PDZD8: variants seen among roughly 807,000 people sequenced by gnomAD.
PDZD8 encodes PDZ domain containing 8.
Under a neutral mutation model 85.8 loss-of-function variants are expected in PDZD8, and 14 were observed. That is an observed-to-expected ratio of 0.16 (90% confidence interval 0.11 to 0.26). The LOEUF is 0.26. Among genes scored for constraint, PDZD8 ranks in the 10% least tolerant of loss-of-function variants. PDZD8 has a pLI of 1.00. For synonymous variants in PDZD8, 592 were observed against 568.6 expected (o/e 1.04, Z -0.59); for missense variants, 1,197 against 1,424.3 (o/e 0.84, Z 2.57).
At chr10:117,343,644 C>T (rs2532792) in intron 1 of PDZD8, among the ~76,000 whole-genome samples, 116,986 of 152,136 alleles carry the variant, frequency 0.77, 45,637 homozygotes, top group Non-Finnish European at 0.85. Context: ...AATATAAAGT[C>T]AAAATTCAAT....
intron 1 of PDZD8, among the ~76,000 whole-genome samples, chr10:117,347,702 G>C (rs1844733079): frequency 6.6e-6 from 1 of 152,134 alleles, no homozygotes; most frequent in African/African-American, 2.4e-5. Context: ...AAAAATTACA[G>C]AGGAACTCAT....
intron 1 of PDZD8, among the ~76,000 whole-genome samples, chr10:117,364,707 A>G (rs2133885064): frequency 6.6e-6 from 1 of 152,316 alleles, no homozygotes; most frequent in Non-Finnish European, 1.5e-5. Context: ...GCAAAGAGGC[A>G]TGAACAGATT....
At chr10:117,336,925 G>C (rs1312199563) in intron 2 of PDZD8, among the ~76,000 whole-genome samples, 1 of 151,712 alleles carries the variant, frequency 6.6e-6, no homozygotes, top group Non-Finnish European at 1.5e-5. Flanking sequence ...TTGAAATCCA[G>C]TGAGACCAAA....
rs1202100897 is a variant in PDZD8 at position 117,329,967 on chromosome 10, GGGAA to G, written c.996-10997_996-10994del. On this transcript the variant is annotated intron_variant, in intron 2 of 4. Coordinates refer to ENST00000334464, the MANE Select transcript of PDZD8 (RefSeq NM_173791.5). ...TCTCAAGAAAGGAAGGAGGGAGGAA[GGGAA>G]GGAAGGAAGGAAGGAAGGAAGGAAG... 4.3e-3 allele frequency among the ~76,000 whole-genome samples: 246 copies of G among 57,120 alleles called. 1 individual carries two copies. Among genetic ancestry groups the G allele is most frequent in the African/African-American group, 0.011 (171 of 16,270 alleles). The allele number at this position is 57,120 out of a possible 152,430, so 37.5% of individuals were successfully genotyped here. A position where few individuals can be genotyped will look rare whatever the true frequency, so the allele number is the denominator to read the frequency against.
chr10:117,373,545 G>A (rs1319955660), intron 1 of PDZD8, among the ~76,000 whole-genome samples: 1 of 146,870 alleles, frequency 6.8e-6, no homozygotes, highest in Non-Finnish European at 1.5e-5. Flanking sequence ...ATTACTTGAG[G>A]TCAGGAGTTC....
intron 1 of PDZD8, among the ~76,000 whole-genome samples, chr10:117,370,015 C>T (rs547593951): frequency 1.8e-4 from 28 of 152,198 alleles, no homozygotes; most frequent in African/African-American, 6.5e-4. Flanking sequence ...TACTCAGACT[C>T]CATGTTTAAG....
intron 2 of PDZD8, among the ~76,000 whole-genome samples, chr10:117,336,597 T>C (rs1305046553): frequency 6.6e-6 from 1 of 150,452 alleles, no homozygotes; most frequent in Non-Finnish European, 1.5e-5. Context: ...AGAAGATAAA[T>C]GCAGAACAGC....
chr10:117,292,574 ATG>A (rs1844786642), intron 3 of PDZD8, among the ~76,000 whole-genome samples: 2 of 61,556 alleles, frequency 3.2e-5, no homozygotes, highest in Non-Finnish European at 9.7e-5. Context: ...TGCATTTGGA[ATG>A]TGTTTTTTTT....
chr10:117,352,715 C>T (rs1844825784), intron 1 of PDZD8, among the ~76,000 whole-genome samples: 1 of 152,172 alleles, frequency 6.6e-6, no homozygotes, highest in South Asian at 2.1e-4. Context: ...TTGTAACCAC[C>T]TGAGGGGTTC....
intron 1 of PDZD8, among the ~76,000 whole-genome samples, chr10:117,355,004 G>C (rs369166224): frequency 6.6e-6 from 1 of 152,114 alleles, no homozygotes; most frequent in Non-Finnish European, 1.5e-5. Context: ...ACAAAACTAA[G>C]TGTAAGCCAG....
chr10:117,354,155 T>C (rs574862118), intron 1 of PDZD8, among the ~76,000 whole-genome samples: 2 of 152,206 alleles, frequency 1.3e-5, no homozygotes, highest in Non-Finnish European at 2.9e-5. Context: ...GTGTTCCTCA[T>C]TGGCCTGATT....
intron 1 of PDZD8, among the ~76,000 whole-genome samples, chr10:117,362,371 C>A (rs1845014177): frequency 6.6e-6 from 1 of 152,086 alleles, no homozygotes; most frequent in Non-Finnish European, 1.5e-5. Context: ...TTAGATTTTT[C>A]ATTTCATTTA....
At chr10:117,307,946 C>G (rs1214260845) in intron 3 of PDZD8, among the ~76,000 whole-genome samples, 1 of 152,052 alleles carries the variant, frequency 6.6e-6, no homozygotes, top group Non-Finnish European at 1.5e-5. Context: ...TTCACATTTA[C>G]AGCAAAATGC....
Position 117,374,186 on chromosome 10 carries a change from G to C in PDZD8, c.872+170C>G, listed in dbSNP as rs1357129697. Among the ~76,000 whole-genome samples the C allele has an allele frequency of 6.6e-6, 1 of 152,218 alleles. No homozygotes were observed. The highest frequency in any genetic ancestry group is 1.5e-5 in the Non-Finnish European group (1 of 68,044). On this transcript the variant is annotated intron_variant, in intron 1 of 4. Transcript: ENST00000334464. This position sits in a 1 kb window ranked among gnomAD's most constrained non-coding sequence, Gnocchi z 7.8. Reference sequence around the variant, plus strand: ...TAGCTCCTATCAATGCCGTTCGGAAGCAAAGCAAGTGTTCACGACTCGCCT... The same window carrying C: ...TAGCTCCTATCAATGCCGTTCGGAACCAAAGCAAGTGTTCACGACTCGCCT...
At chr10:117,291,041 T>C (rs1844751447) in intron 3 of PDZD8, among the ~76,000 whole-genome samples, 1 of 151,454 alleles carries the variant, frequency 6.6e-6, no homozygotes, top group Admixed American at 6.6e-5. Flanking sequence ...GGCAAGTTTT[T>C]GTATTTTTTT....
At chr10:117,370,953 T>TGTGTG (rs1564716335) in intron 1 of PDZD8, among the ~76,000 whole-genome samples, 1 of 149,514 alleles carries the variant, frequency 6.7e-6, no homozygotes, top group African/African-American at 2.5e-5. Context: ...TGTGTGTGTG[T>TGTGTG]TTAAAGGTGG....
At chr10:117,286,265 G>GA (rs1844661946) in intron 4 of PDZD8, among the ~76,000 whole-genome samples, 1 of 152,172 alleles carries the variant, frequency 6.6e-6, no homozygotes, top group African/African-American at 2.4e-5. Flanking sequence ...CCTGACCTTA[G>GA]TAGCTTCTAG....
chr10:117,290,301 A>G lies in PDZD8; in HGVS notation c.1146T>C (p.Arg382=), dbSNP rs1565018293. ...GNLQSVGLTL[R]LVQSTDGYAG... ...CATACCCATCAGTTGACTGGACAAGACGAAGTGTAAGTCCAACACTTTGTA... is the reference window on the plus strand; with the variant it reads ...CATACCCATCAGTTGACTGGACAAGGCGAAGTGTAAGTCCAACACTTTGTA... Residue 382 remains arginine (R), a synonymous_variant, in exon 4 of 5, where the codon CGT becomes CGC. Coordinates refer to ENST00000334464, the MANE Select transcript of PDZD8 (RefSeq NM_173791.5). 1.2e-6 allele frequency: 2 copies of G among 1,613,238 alleles called. No homozygotes were observed. The highest frequency in any genetic ancestry group is 1.7e-6 in the Non-Finnish European group (2 of 1,179,470).
chr10:117,329,523 T>C (rs1844379198), intron 2 of PDZD8, among the ~76,000 whole-genome samples: 1 of 152,104 alleles, frequency 6.6e-6, no homozygotes, highest in Non-Finnish European at 1.5e-5. Context: ...CAGTAGGATA[T>C]AAATAACTCC....
Sources: gnomAD v4.1 joint callset for allele counts (sites outside exome capture counted in the v4.1 genomes callset) on GRCh38, gnomAD v4.1.1 for gene constraint, Gnocchi (gnomAD v3.1) non-coding constraint, MANE v1.5 for transcripts, NCBI Gene and HGNC (gene_info 2026-07-23, HGNC 2026-07-21) for gene names.